RGS20: variants seen among roughly 807,000 people sequenced by gnomAD.
RGS20 encodes gz-selective GTPase-activating protein.
Under a neutral mutation model 33.6 loss-of-function variants are expected in RGS20, and 30 were observed. That is an observed-to-expected ratio of 0.89 (90% CI 0.67 to 1.21). RGS20 has a LOEUF of 1.21. RGS20 is among the 50% of genes most tolerant of loss of function. The pLI is 0.00. For missense variants in RGS20, 472 were observed against 502.4 expected, an observed-to-expected ratio of 0.94 and a Z score of 0.58; for synonymous variants, 208 against 197.9, an observed-to-expected ratio of 1.05 and a Z score of -0.43.
intron 2 of RGS20, among the ~76,000 whole-genome samples, chr8:53,936,974 GACAAAA>G (rs1187892228): frequency 2.0e-5 from 3 of 152,092 alleles, no homozygotes; most frequent in Non-Finnish European, 4.4e-5. Flanking sequence ...TGACAAACCT[GACAAAA>G]ACAAGCCATG....
At chr8:53,918,088 A>G (rs771677317) in intron 2 of RGS20, among the ~76,000 whole-genome samples, 1 of 152,202 alleles carries the variant, frequency 6.6e-6, no homozygotes, top group Non-Finnish European at 1.5e-5. Context: ...TAAAATTGTC[A>G]TATAAATCAT....
chr8:53,934,446 G>A (rs1814068387), intron 2 of RGS20, among the ~76,000 whole-genome samples: 1 of 152,124 alleles, frequency 6.6e-6, no homozygotes, highest in African/African-American at 2.4e-5. Flanking sequence ...AAAGAAGCAA[G>A]CGTTGCAATC....
chr8:53,927,987 G>A (rs1813851462), intron 2 of RGS20, among the ~76,000 whole-genome samples: 2 of 152,130 alleles, frequency 1.3e-5, no homozygotes, highest in Admixed American at 1.3e-4. Context: ...TGCTTAGTAA[G>A]GTAAGGGTGA....
intron 2 of RGS20, among the ~76,000 whole-genome samples, chr8:53,898,384 G>A (rs1335467198): frequency 6.6e-6 from 1 of 152,126 alleles, no homozygotes. Flanking sequence ...TCTTTTGGGA[G>A]GCTGTGTTCC....
intron 2 of RGS20, among the ~76,000 whole-genome samples, chr8:53,932,210 G>T (rs1341020789): frequency 6.6e-6 from 1 of 152,100 alleles, no homozygotes; most frequent in Non-Finnish European, 1.5e-5. Flanking sequence ...GGCCATTTGG[G>T]CAGACACCGA....
chr8:53,933,480 C>T (rs541069385), intron 2 of RGS20, among the ~76,000 whole-genome samples: 96 of 151,764 alleles, frequency 6.3e-4, no homozygotes, highest in Admixed American at 2.6e-3. Flanking sequence ...TATCAATAGC[C>T]GAATTGATCA....
rs114360813 is a variant in RGS20, at chr8:53,891,732, T to C, written c.510+12130T>C. 7.8e-3 allele frequency among the ~76,000 whole-genome samples: 1,189 copies of C among 152,296 alleles called. 12 individuals are homozygous for C. Among genetic ancestry groups the C allele is most frequent in the African/African-American group, 0.026 (1,081 of 41,564 alleles). On this transcript the variant is annotated intron_variant, in intron 2 of 5. Coordinates refer to ENST00000297313, the MANE Select transcript of RGS20 (RefSeq NM_170587.4). ...TTTGTTTCCAATGTAATTCAGAAAATGTGTATTTAAAAATTTGCCATTTGT... is the reference window on the plus strand; with the variant it reads ...TTTGTTTCCAATGTAATTCAGAAAACGTGTATTTAAAAATTTGCCATTTGT...
intron 4 of RGS20, among the ~76,000 whole-genome samples, chr8:53,950,653 C>T (rs572161216): frequency 1.3e-5 from 2 of 151,076 alleles, no homozygotes; most frequent in South Asian, 2.1e-4. Context: ...CTCATTCTGT[C>T]ACCCAGGCTG....
At chr8:53,885,790 CTTTTTTTT>C (rs1172257852) in intron 2 of RGS20, among the ~76,000 whole-genome samples, 17 of 112,742 alleles carry the variant, frequency 1.5e-4, no homozygotes, top group South Asian at 6.4e-4. Context: ...GTATCTTACT[CTTTTTTTT>C]TTTTTTTTTT....
intron 5 of RGS20, among the ~76,000 whole-genome samples, chr8:53,957,048 A>G (rs1452516294): frequency 6.6e-6 from 1 of 152,112 alleles, no homozygotes; most frequent in Admixed American, 6.5e-5. Flanking sequence ...CATCATCCCC[A>G]CTTCAGGGGA....
intron 2 of RGS20, among the ~76,000 whole-genome samples, chr8:53,883,236 A>C (rs1218034215): frequency 6.6e-6 from 1 of 150,882 alleles, no homozygotes; most frequent in African/African-American, 2.4e-5. Flanking sequence ...GGCTCACTGC[A>C]ACCTCCGCCT....
chr8:53,855,564 T>G (rs1238780924), intron 1 of RGS20, among the ~76,000 whole-genome samples: 1 of 152,178 alleles, frequency 6.6e-6, no homozygotes, highest in Non-Finnish European at 1.5e-5. Flanking sequence ...TAAAATTGCA[T>G]GAAACTATAC....
rs913157093 is a variant in RGS20, at chr8:53,879,863, A to G, written c.510+261A>G. On this transcript the variant is annotated intron_variant, in intron 2 of 5. Coordinates refer to ENST00000297313, the MANE Select transcript of RGS20 (RefSeq NM_170587.4). ...CCTTTCCATGGTCCAAGAAAACGGG[A>G]GGGAGCCCTCGCTCTTCCCCGAGGC... 9 of 404,184 alleles carry G rather than the reference A, an allele frequency of 2.2e-5. No individual in the cohort carries two copies. The Admixed American group carries it at 3.9e-4, about 17-fold the overall frequency. The allele number at this position is 404,184 out of a possible 1,614,324, so 25.0% of individuals were successfully genotyped here.
At chr8:53,921,900 AGGCTG>A (rs1332092279) in intron 2 of RGS20, among the ~76,000 whole-genome samples, 1 of 152,074 alleles carries the variant, frequency 6.6e-6, no homozygotes, top group African/African-American at 2.4e-5. Context: ...AAATCTGTTG[AGGCTG>A]TTTTACGGCC....
Position 53,918,157 on chromosome 8 carries a change from A to G in RGS20, c.511-21419A>G, listed in dbSNP as rs189112368. Among the ~76,000 whole-genome samples, 13 of 152,290 alleles carry G rather than the reference A, an allele frequency of 8.5e-5. No individual in the cohort carries two copies. The East Asian group carries it at 2.1e-3, about 25-fold the overall frequency. Reference sequence around the variant, plus strand: ...TTCAGTAGTTCTTAGCACAGTCACAAAGTTGTGCAACAATCACCACTAATT... The same window carrying G: ...TTCAGTAGTTCTTAGCACAGTCACAGAGTTGTGCAACAATCACCACTAATT... On this transcript the variant is annotated intron_variant, in intron 2 of 5. Coordinates refer to ENST00000297313, the MANE Select transcript of RGS20 (RefSeq NM_170587.4).
intron 1 of RGS20, among the ~76,000 whole-genome samples, chr8:53,868,559 G>A (rs1347789987): frequency 2.0e-5 from 3 of 150,732 alleles, no homozygotes; most frequent in African/African-American, 7.3e-5. Context: ...TATACCTCAG[G>A]GTAAAAAAAA....
chr8:53,942,854 G>A (rs1440223727), intron 3 of RGS20, among the ~76,000 whole-genome samples: 5 of 151,024 alleles, frequency 3.3e-5, no homozygotes, highest in African/African-American at 4.9e-5. Context: ...AAGTTAGCCC[G>A]GCATGGTGGC....
At chr8:53,947,446 T>G (rs1353295621) in intron 4 of RGS20, among the ~76,000 whole-genome samples, 2 of 140,348 alleles carry the variant, frequency 1.4e-5, no homozygotes, top group Non-Finnish European at 1.5e-5. Context: ...AGTATATACA[T>G]TTATATATGC....
intron 2 of RGS20, among the ~76,000 whole-genome samples, chr8:53,902,411 G>A (rs1259497704): frequency 6.6e-6 from 1 of 152,212 alleles, no homozygotes; most frequent in Non-Finnish European, 1.5e-5. Context: ...GGCCTGGAAT[G>A]GCTGGGTCAG....
Sources: allele counts gnomAD v4.1 joint callset (sites outside exome capture counted in the v4.1 genomes callset), GRCh38; gene constraint gnomAD v4.1.1; transcripts MANE v1.5; gene names NCBI Gene and HGNC (gene_info 2026-07-23, HGNC 2026-07-21).